Variants in ZBTB7C observed in about 807,000 individuals in gnomAD.
ZBTB7C encodes zinc finger and BTB domain-containing protein 7C.
ZBTB7C carries 8 observed loss-of-function variants against 25.7 expected under a neutral mutation model. The ratio of observed to expected loss-of-function variants is 0.31; its 90% confidence interval spans 0.18 to 0.56. The LOEUF (loss-of-function observed/expected upper bound fraction) is 0.56. Ranked by LOEUF, ZBTB7C falls within the 20% of genes least tolerant of loss-of-function variation. The pLI is 0.91. For synonymous variants in ZBTB7C, 394 were observed against 369.0 expected (o/e 1.07, Z -0.78); for missense variants, 824 against 855.2 (o/e 0.96, Z 0.46).
chr18:48,251,256 G>T (rs1294835357), intron 2 of ZBTB7C, among the ~76,000 whole-genome samples: 2 of 151,698 alleles, frequency 1.3e-5, no homozygotes, highest in African/African-American at 4.8e-5. Flanking sequence ...GAATATAAAA[G>T]AAAATGTTTG....
At chr18:48,409,553 G>A (rs1395483125), upstream of ZBTB7C, 1 of 149,068 alleles carries the variant, frequency 6.7e-6, no homozygotes, top group Non-Finnish European at 1.5e-5. Flanking sequence ...CCGGATGTGT[G>A]CGGTCGCCTG....
chr18:48,085,839 C>A (rs2038171228), intron 3 of ZBTB7C, among the ~76,000 whole-genome samples: 1 of 152,114 alleles, frequency 6.6e-6, no homozygotes, highest in African/African-American at 2.4e-5. Context: ...TGGCCAGGGG[C>A]CCTGCCTGGC....
At chr18:48,255,409 GC>G (rs1049249614) in intron 2 of ZBTB7C, among the ~76,000 whole-genome samples, 79 of 152,206 alleles carry the variant, frequency 5.2e-4, no homozygotes, top group African/African-American at 1.9e-3. Context: ...TTTCTAAGAG[GC>G]CATTGGTTTG....
chr18:48,095,524 C>T (rs2038586985), intron 3 of ZBTB7C, among the ~76,000 whole-genome samples: 1 of 152,028 alleles, frequency 6.6e-6, no homozygotes. Context: ...CCAGCCTGGT[C>T]AACATGGTGA....
At chr18:48,099,050 G>A (rs9945594) in intron 3 of ZBTB7C, among the ~76,000 whole-genome samples, 108,520 of 152,170 alleles carry the variant, frequency 0.71, 39,137 homozygotes, top group East Asian at 0.85. Context: ...TATTTTGCTT[G>A]AGCCAGTTGA....
At chr18:48,162,020 G>A (rs894825984) in intron 3 of ZBTB7C, among the ~76,000 whole-genome samples, 1 of 152,100 alleles carries the variant, frequency 6.6e-6, no homozygotes, top group Admixed American at 6.5e-5. Context: ...CGCCTGCCCG[G>A]GCGGGCGGGA....
intron 3 of ZBTB7C, among the ~76,000 whole-genome samples, chr18:48,171,166 C>T (rs2041465935): frequency 6.6e-6 from 1 of 152,244 alleles, no homozygotes; most frequent in Admixed American, 6.5e-5. Context: ...CTGCCTGAGC[C>T]TTGGAGCCCC....
At chr18:48,105,417 G>A (rs892057638) in intron 3 of ZBTB7C, among the ~76,000 whole-genome samples, 3 of 152,166 alleles carry the variant, frequency 2.0e-5, no homozygotes, top group Non-Finnish European at 4.4e-5. Flanking sequence ...CACCTCAGGT[G>A]CAATAATCTT....
At chr18:48,121,412 T>TA (rs2039625664) in intron 3 of ZBTB7C, among the ~76,000 whole-genome samples, 1 of 142,062 alleles carries the variant, frequency 7.0e-6, no homozygotes, top group South Asian at 2.2e-4. Context: ...TTTTTTTTTT[T>TA]TAAAAAAATG....
At chr18:48,088,032 C>A (rs1235073677) in intron 3 of ZBTB7C, among the ~76,000 whole-genome samples, 1 of 152,194 alleles carries the variant, frequency 6.6e-6, no homozygotes, top group Non-Finnish European at 1.5e-5. Flanking sequence ...ATCACACTAA[C>A]ACCCCTGTAA....
At chr18:48,212,034 A>C (rs896290620) in intron 2 of ZBTB7C, among the ~76,000 whole-genome samples, 1 of 152,178 alleles carries the variant, frequency 6.6e-6, no homozygotes, top group African/African-American at 2.4e-5. Flanking sequence ...GATATGGATG[A>C]AACATAAATG....
At chr18:48,369,194 C>T (rs2145151095) in intron 1 of ZBTB7C, among the ~76,000 whole-genome samples, 1 of 152,184 alleles carries the variant, frequency 6.6e-6, no homozygotes, top group South Asian at 2.1e-4. Context: ...AATAAGGTTT[C>T]TACACTTACT....
intron 3 of ZBTB7C, among the ~76,000 whole-genome samples, chr18:48,104,719 C>T (rs80217302): frequency 2.0e-5 from 3 of 152,126 alleles, no homozygotes; most frequent in African/African-American, 4.8e-5. Flanking sequence ...ACAGGGAGAC[C>T]GAAATGCCCT....
chr18:48,119,601 T>C (rs370243533), intron 3 of ZBTB7C, among the ~76,000 whole-genome samples: 15 of 152,264 alleles, frequency 9.9e-5, no homozygotes, highest in African/African-American at 3.1e-4. Flanking sequence ...GAAGACTATA[T>C]GTCTACGTTT....
At chr18:48,192,541 G>A (rs914767915) in intron 2 of ZBTB7C, among the ~76,000 whole-genome samples, 14 of 152,224 alleles carry the variant, frequency 9.2e-5, no homozygotes, top group Non-Finnish European at 1.2e-4. Flanking sequence ...TTGGCTCACT[G>A]CAACCACCAT....
chr18:48,265,841 G>A (rs1302804781), intron 2 of ZBTB7C, among the ~76,000 whole-genome samples: 2 of 152,328 alleles, frequency 1.3e-5, no homozygotes, highest in Non-Finnish European at 1.5e-5. Flanking sequence ...TCAACTTGCT[G>A]TACCATGTGA....
At chr18:48,137,020 G>C (rs1438041612) in intron 3 of ZBTB7C, 1 of 985,172 alleles carries the variant, frequency 1.0e-6, no homozygotes, top group East Asian at 1.1e-4. Flanking sequence ...GCCGCCCCGG[G>C]GACGCCGCGC....
intron 2 of ZBTB7C, among the ~76,000 whole-genome samples, chr18:48,193,317 C>T (rs1030658697): frequency 2.0e-5 from 3 of 152,170 alleles, no homozygotes; most frequent in Non-Finnish European, 2.9e-5. Context: ...GAGGGAAGGT[C>T]TATAATAGAC....
chr18:48,209,075 A>G (rs567937624), intron 2 of ZBTB7C, among the ~76,000 whole-genome samples: 1 of 152,378 alleles, frequency 6.6e-6, no homozygotes, highest in Admixed American at 6.5e-5. Context: ...CCCTGGATAT[A>G]TTTATAGAGA....
Sources: allele counts gnomAD v4.1 joint callset (sites outside exome capture counted in the v4.1 genomes callset), GRCh38; gene constraint gnomAD v4.1.1; transcripts MANE v1.5; gene names NCBI Gene and HGNC (gene_info 2026-07-23, HGNC 2026-07-21).